COL24A1: variants seen among roughly 807,000 people sequenced by gnomAD.
COL24A1 encodes collagen type XXIV alpha 1 chain.
In COL24A1, 224 loss-of-function variants were observed where a neutral mutation model predicts 253.9. That is an observed-to-expected ratio of 0.88 (90% confidence interval 0.79 to 0.99). The LOEUF (loss-of-function observed/expected upper bound fraction) is 0.99, where lower values mean the gene tolerates loss of function less well. Among genes scored for constraint, COL24A1 ranks in the 50% least tolerant of loss-of-function variants. The pLI is 0.00. For missense variants in COL24A1, 2,131 were observed against 2,068.5 expected (o/e 1.03, Z -0.59); for synonymous variants, 685 against 673.7 (o/e 1.02, Z -0.26).
intron 10 of COL24A1, among the ~76,000 whole-genome samples, chr1:86,051,016 G>A (rs1476044137): frequency 6.6e-6 from 1 of 152,076 alleles, no homozygotes; most frequent in Non-Finnish European, 1.5e-5. Flanking sequence ...ATTTTAGGGA[G>A]TATGGTAATG....
intron 1 of COL24A1, chr1:86,156,075 G>A (rs1360849649): frequency 2.7e-6 from 1 of 365,982 alleles, no homozygotes; most frequent in East Asian, 4.5e-5. Context: ...TGGACCTCGG[G>A]ACTCGCGCCA....
At chr1:85,780,084 C>G (rs1285982718) in intron 52 of COL24A1, among the ~76,000 whole-genome samples, 1 of 152,100 alleles carries the variant, frequency 6.6e-6, no homozygotes, top group Non-Finnish European at 1.5e-5. Context: ...GCTGAAGAAC[C>G]ACTCACTGAA....
At chr1:86,073,691 A>G (rs896941252) in intron 7 of COL24A1, among the ~76,000 whole-genome samples, 2 of 152,208 alleles carry the variant, frequency 1.3e-5, no homozygotes, top group African/African-American at 4.8e-5. Context: ...GGTTGAAATA[A>G]AGGAAAAAAT....
At chr1:85,977,866 G>A (rs866172329) in intron 20 of COL24A1, among the ~76,000 whole-genome samples, 3 of 152,088 alleles carry the variant, frequency 2.0e-5, no homozygotes, top group African/African-American at 7.2e-5. Flanking sequence ...CCAAATATAA[G>A]AAGATCAAAG....
In COL24A1 at chr1:85,955,259, C is replaced by T. The variant is rs374782966; in HGVS notation, c.2562+5990G>A. Among the ~76,000 whole-genome samples, 54 of 152,298 alleles carry T rather than the reference C, an allele frequency of 3.5e-4. No homozygotes were observed. The South Asian group carries it at 7.5e-3, about 21-fold the overall frequency. On this transcript the variant is annotated intron_variant, in intron 24 of 59. Transcript: ENST00000370571. ...CTGACTCCAGGGGAAGACCACCTTC[C>T]CATTCCATCCCCTTTTGGCTCCCCA...
At chr1:86,112,877 A>G (rs1439800259) in intron 4 of COL24A1, among the ~76,000 whole-genome samples, 1 of 152,222 alleles carries the variant, frequency 6.6e-6, no homozygotes, top group African/African-American at 2.4e-5. Flanking sequence ...ATTTCCGTAG[A>G]AATTTCTTCA....
chr1:85,975,271 C>A (rs559301545), intron 20 of COL24A1, among the ~76,000 whole-genome samples: 1 of 151,872 alleles, frequency 6.6e-6, no homozygotes, highest in South Asian at 2.1e-4. Context: ...GTATATATAC[C>A]AAAGAAAGAA....
At chr1:86,013,919 C>A (rs1696768497) in intron 19 of COL24A1, among the ~76,000 whole-genome samples, 1 of 152,102 alleles carries the variant, frequency 6.6e-6, no homozygotes, top group African/African-American at 2.4e-5. Context: ...TATTAGTCCG[C>A]AGTCACTCTC....
intron 31 of COL24A1, among the ~76,000 whole-genome samples, chr1:85,893,892 C>G (rs989928960): frequency 6.6e-6 from 1 of 152,230 alleles, no homozygotes; most frequent in Admixed American, 6.5e-5. Flanking sequence ...ATCCTTCTGC[C>G]TCTGCCTCCC....
chr1:86,109,898 A>T (rs1705372582), intron 5 of COL24A1, among the ~76,000 whole-genome samples: 1 of 152,340 alleles, frequency 6.6e-6, no homozygotes, highest in African/African-American at 2.4e-5. Flanking sequence ...AAGAGACCCC[A>T]GAGACATAGC....
intron 24 of COL24A1, among the ~76,000 whole-genome samples, chr1:85,946,161 A>G (rs928847220): frequency 6.6e-6 from 1 of 152,194 alleles, no homozygotes; most frequent in South Asian, 2.1e-4. Context: ...ATCAACCCCC[A>G]GTAAAAATCA....
At chr1:85,772,627 T>C (rs541647812) in intron 53 of COL24A1, among the ~76,000 whole-genome samples, 1 of 152,290 alleles carries the variant, frequency 6.6e-6, no homozygotes, top group African/African-American at 2.4e-5. Context: ...CCAGTGATGA[T>C]GAGCATTTTT....
At chr1:86,000,295 A>G (rs1695276200) in intron 19 of COL24A1, among the ~76,000 whole-genome samples, 1 of 152,240 alleles carries the variant, frequency 6.6e-6, no homozygotes, top group African/African-American at 2.4e-5. Context: ...AACAGTTTAC[A>G]TATAGATTTC....
intron 5 of COL24A1, among the ~76,000 whole-genome samples, chr1:86,108,620 T>TAAAGAAAAAAAAAAAAA (rs1491169938): frequency 1.4e-4 from 12 of 83,102 alleles, no homozygotes; most frequent in African/African-American, 6.2e-4. Flanking sequence ...CCATCTCTAC[T>TAAAGAAAAAAAAAAAAA]AAAAAAAAAA....
intron 24 of COL24A1, among the ~76,000 whole-genome samples, chr1:85,952,327 AG>A (rs998124682): frequency 5.3e-5 from 8 of 152,200 alleles, no homozygotes; most frequent in African/African-American, 1.9e-4. Flanking sequence ...GTGTTTGTTA[AG>A]GAAAAAAAAT....
intron 47 of COL24A1, among the ~76,000 whole-genome samples, chr1:85,793,513 C>T (rs1010229760): frequency 3.3e-5 from 5 of 151,848 alleles, no homozygotes; most frequent in Non-Finnish European, 5.9e-5. Flanking sequence ...AGAGCGAGAG[C>T]GAGAGATCCA....
chr1:86,023,873 G>A (rs1002998662), intron 14 of COL24A1, among the ~76,000 whole-genome samples: 10 of 151,916 alleles, frequency 6.6e-5, no homozygotes, highest in Non-Finnish European at 1.3e-4. Context: ...TTTTTCTCAC[G>A]ATCTTTCTTT....
chr1:85,875,956 T>C (rs543522123), intron 33 of COL24A1, among the ~76,000 whole-genome samples: 1 of 152,276 alleles, frequency 6.6e-6, no homozygotes, highest in East Asian at 1.9e-4. Context: ...AAACATGCTA[T>C]GTGTGCCCCT....
chr1:85,891,493 A>G (rs975117086), intron 31 of COL24A1, among the ~76,000 whole-genome samples: 1 of 152,196 alleles, frequency 6.6e-6, no homozygotes, highest in South Asian at 2.1e-4. Flanking sequence ...AAGATATTCA[A>G]AGTTCTTAGC....
Sources: allele counts gnomAD v4.1 joint callset (sites outside exome capture counted in the v4.1 genomes callset), GRCh38; gene constraint gnomAD v4.1.1; transcripts MANE v1.5; gene names NCBI Gene and HGNC (gene_info 2026-07-23, HGNC 2026-07-21).